The following PCDH15 variants were observed in gnomAD, a reference collection of about 807,000 sequenced individuals.
PCDH15 encodes protocadherin-15.
PCDH15 carries 129 observed loss-of-function variants against 178.5 expected under a neutral mutation model. That is an observed-to-expected ratio of 0.72 (90% CI 0.63 to 0.84). The LOEUF is 0.84. PCDH15 is among the 40% of genes least tolerant of loss of function. The pLI is 0.00. For synonymous variants in PCDH15, 800 were observed against 732.0 expected (o/e 1.09, Z -1.50); for missense variants, 2,230 against 2,099.9 (o/e 1.06, Z -1.21).
intron 2 of PCDH15, among the ~76,000 whole-genome samples, chr10:54,912,670 T>A (rs527795564): frequency 1.3e-5 from 2 of 152,246 alleles, no homozygotes; most frequent in South Asian, 4.1e-4. Flanking sequence ...AAGTAGTACA[T>A]CACTATAAGG....
intron 3 of PCDH15, among the ~76,000 whole-genome samples, chr10:54,894,335 T>TATA (rs1336691627): frequency 6.6e-6 from 1 of 152,130 alleles, no homozygotes; most frequent in Non-Finnish European, 1.5e-5. Flanking sequence ...AGCAAGGCTA[T>TATA]ATAATGTTTA....
chr10:54,438,578 G>A (rs899704550), intron 3 of PCDH15, among the ~76,000 whole-genome samples: 6 of 151,972 alleles, frequency 3.9e-5, no homozygotes, highest in Non-Finnish European at 7.4e-5. Flanking sequence ...CTGCCTCAAC[G>A]AGCATGTAGC....
intron 2 of PCDH15, among the ~76,000 whole-genome samples, chr10:54,945,305 T>G (rs1429404070): frequency 6.6e-6 from 1 of 151,176 alleles, no homozygotes; most frequent in African/African-American, 2.4e-5. Flanking sequence ...AAGAGATAGG[T>G]GCAGATAGAT....
chr10:55,099,844 A>G (rs1387497800), intron 2 of PCDH15, among the ~76,000 whole-genome samples: 2 of 152,126 alleles, frequency 1.3e-5, no homozygotes, highest in Non-Finnish European at 2.9e-5. Context: ...TTCATTACTC[A>G]TAGCAGTGGA....
chr10:55,383,110 A>C (rs1364665858), intron 2 of PCDH15, among the ~76,000 whole-genome samples: 1 of 152,096 alleles, frequency 6.6e-6, no homozygotes, highest in African/African-American at 2.4e-5. Flanking sequence ...GATTTTATTA[A>C]GTGATGGGAG....
At chr10:54,891,812 T>C (rs1450454270) in intron 3 of PCDH15, among the ~76,000 whole-genome samples, 1 of 152,094 alleles carries the variant, frequency 6.6e-6, no homozygotes, top group Non-Finnish European at 1.5e-5. Context: ...GGCTGTAGAA[T>C]ATGCCTCATT....
At chr10:53,933,267 G>A (rs1486638860) in intron 25 of PCDH15, among the ~76,000 whole-genome samples, 2 of 151,688 alleles carry the variant, frequency 1.3e-5, no homozygotes, top group Non-Finnish European at 2.9e-5. Context: ...TTGGTGTGCT[G>A]CACCCATTAA....
chr10:54,361,117 A>G (rs1296619220), intron 5 of PCDH15, among the ~76,000 whole-genome samples: 2 of 152,100 alleles, frequency 1.3e-5, no homozygotes, highest in Non-Finnish European at 2.9e-5. Context: ...TATTAGTTCT[A>G]GGATTCATGT....
At chr10:54,127,109 C>CA (rs998017145) in intron 15 of PCDH15, among the ~76,000 whole-genome samples, 40 of 151,480 alleles carry the variant, frequency 2.6e-4, no homozygotes, top group Admixed American at 7.9e-4. Flanking sequence ...CAGCCAAAAA[C>CA]AAAAAAAAGA....
chr10:55,576,313 G>A (rs1842496128), intron 2 of PCDH15, among the ~76,000 whole-genome samples: 1 of 152,202 alleles, frequency 6.6e-6, no homozygotes, highest in Non-Finnish European at 1.5e-5. Flanking sequence ...TTAAGTGTAA[G>A]TGGATCATCA....
At chr10:55,600,197 T>C (rs1843043327) in intron 2 of PCDH15, among the ~76,000 whole-genome samples, 1 of 151,940 alleles carries the variant, frequency 6.6e-6, no homozygotes, top group Non-Finnish European at 1.5e-5. Flanking sequence ...ACCCTGTATC[T>C]ACTAAAAATA....
chr10:54,332,700 G>C (rs1011687378), intron 6 of PCDH15, among the ~76,000 whole-genome samples: 2 of 151,896 alleles, frequency 1.3e-5, no homozygotes, highest in African/African-American at 4.8e-5. Flanking sequence ...CTCAGTCTGT[G>C]ATGCAGAAAT....
At chr10:54,774,800 T>G (rs1949511416) in intron 1 of PCDH15, among the ~76,000 whole-genome samples, 1 of 152,168 alleles carries the variant, frequency 6.6e-6, no homozygotes, top group Admixed American at 6.5e-5. Context: ...GGTAAGTCAT[T>G]ATTAGGGGCT....
chr10:54,021,508 T>C (rs374028332), intron 19 of PCDH15, among the ~76,000 whole-genome samples: 1 of 152,020 alleles, frequency 6.6e-6, no homozygotes, highest in East Asian at 1.9e-4. Flanking sequence ...CTACATTTTC[T>C]AGACCTTTAG....
intron 15 of PCDH15, among the ~76,000 whole-genome samples, chr10:54,104,378 G>C (rs545678155): frequency 4.3e-4 from 66 of 152,226 alleles, no homozygotes; most frequent in African/African-American, 1.4e-3. Context: ...GACACCTGGC[G>C]AGGCTGTGAT....
intron 1 of PCDH15, among the ~76,000 whole-genome samples, chr10:55,275,137 T>C (rs993808902): frequency 2.6e-5 from 4 of 152,044 alleles, no homozygotes; most frequent in African/African-American, 9.7e-5. Context: ...ATAAAATGCC[T>C]GATAATATAT....
chr10:54,529,793 CTTTA>C (rs908459669), intron 2 of PCDH15, among the ~76,000 whole-genome samples: 8 of 151,956 alleles, frequency 5.3e-5, no homozygotes, highest in African/African-American at 1.2e-4. Context: ...TTCAACATTT[CTTTA>C]TTTATTTACT....
intron 2 of PCDH15, among the ~76,000 whole-genome samples, chr10:55,063,158 T>C (rs1337553040): frequency 1.3e-5 from 2 of 152,152 alleles, no homozygotes; most frequent in South Asian, 2.1e-4. Context: ...CTCTATAATT[T>C]ACTATGCCTC....
chr10:54,420,630 A>C (rs1488432415), intron 3 of PCDH15, among the ~76,000 whole-genome samples: 1 of 152,032 alleles, frequency 6.6e-6, no homozygotes, highest in African/African-American at 2.4e-5. Context: ...GATCCCTTTG[A>C]TTACTCTGGG....
Sources: gnomAD v4.1 joint callset for allele counts (sites outside exome capture counted in the v4.1 genomes callset) on GRCh38, gnomAD v4.1.1 for gene constraint, MANE v1.5 for transcripts, NCBI Gene and HGNC (gene_info 2026-07-23, HGNC 2026-07-21) for gene names.